The following GOLGA1 variants were observed in gnomAD, a reference collection of about 807,000 sequenced individuals.
The protein encoded by GOLGA1 is golgin A1.
GOLGA1 carries 63 observed loss-of-function variants against 119.7 expected under a neutral mutation model. The ratio of observed to expected loss-of-function variants is 0.53; its 90% CI spans 0.43 to 0.65. GOLGA1 has a LOEUF of 0.65. GOLGA1 is among the 30% of genes least tolerant of loss of function. GOLGA1 has a pLI of 0.00. For synonymous variants in GOLGA1, 318 were observed against 333.4 expected (o/e 0.95, Z 0.50); for missense variants, 798 against 912.8 (o/e 0.87, Z 1.62).
intron 15 of GOLGA1, among the ~76,000 whole-genome samples, chr9:124,891,423 T>C (rs1185438396): frequency 6.6e-6 from 1 of 152,170 alleles, no homozygotes; most frequent in Non-Finnish European, 1.5e-5. Context: ...TCAAAATACA[T>C]GAAGCAAAGA....
chr9:124,919,165 AAGGATCACTTCAGCCTGG>A (rs1304171475), intron 10 of GOLGA1, among the ~76,000 whole-genome samples: 1 of 151,900 alleles, frequency 6.6e-6, no homozygotes, highest in Non-Finnish European at 1.5e-5. Flanking sequence ...GCTGAGGTGG[AAGGATCACTTCAGCCTGG>A]GAGGCTGAGG....
At chr9:124,914,652 C>T (rs1214441016) in intron 10 of GOLGA1, among the ~76,000 whole-genome samples, 1 of 152,210 alleles carries the variant, frequency 6.6e-6, no homozygotes, top group Non-Finnish European at 1.5e-5. Flanking sequence ...GCAAGCACTT[C>T]CTATTATGTC....
chr9:124,906,820 G>A (rs1830243181), intron 12 of GOLGA1, among the ~76,000 whole-genome samples: 2 of 151,840 alleles, frequency 1.3e-5, no homozygotes, highest in Non-Finnish European at 2.9e-5. Flanking sequence ...TAGCAACTTA[G>A]GCAAGAAAAT....
At chr9:124,913,246 G>A (rs562717033) in intron 10 of GOLGA1, among the ~76,000 whole-genome samples, 1 of 152,214 alleles carries the variant, frequency 6.6e-6, no homozygotes, top group African/African-American at 2.4e-5. Context: ...CTTGACATGT[G>A]GGCATTACAA....
chr9:124,935,306 G>C (rs1251020370), intron 3 of GOLGA1, among the ~76,000 whole-genome samples: 1 of 152,124 alleles, frequency 6.6e-6, no homozygotes, highest in Non-Finnish European at 1.5e-5. Flanking sequence ...CACATAGCCT[G>C]AACATAATTT....
rs1465801767 is a variant in GOLGA1, at chr9:124,888,354, T to C, written c.1804A>G (p.Thr602Ala). Residue 602 changes from threonine (T) to alanine (A), a missense_variant, in exon 19 of 23, where the codon ACT (threonine) becomes GCT (alanine). Coordinates refer to ENST00000373555, the MANE Select transcript of GOLGA1 (RefSeq NM_002077.4). This position sits in a 1 kb window ranked among gnomAD's most constrained non-coding sequence, Gnocchi z 4.4. The stretch of plus-strand genomic sequence containing the variant: ...TCACCATTTGGTGTTCTTCCTGCAG[T>C]TGGAAGCTGGAACACAGGGTCCTGC... ...AMQDPVFQLP[T>A]AGRTPNGEVG... The C allele has an allele frequency of 3.7e-6, 6 of 1,613,386 alleles. No individual in the cohort carries two copies. Among genetic ancestry groups the C allele is most frequent in the Non-Finnish European group, 5.1e-6 (6 of 1,179,430 alleles).
rs76066901 is a variant in GOLGA1 at position 124,882,405 on chromosome 9, G to T, written c.1965+105C>A. The T allele has an allele frequency of 6.0e-3, 4,702 of 785,316 alleles. 125 individuals are homozygous for T. The African/African-American group carries it at 0.065, about 11-fold the overall frequency. 48.6% of individuals were successfully genotyped at this position (785,316 alleles called of 1,614,324 possible). On this transcript the variant is annotated intron_variant, in intron 20 of 22. Coordinates refer to ENST00000373555, the MANE Select transcript of GOLGA1 (RefSeq NM_002077.4). Reference sequence around the variant, plus strand: ...CCAGCGATCCCTTGCAATTAATTAGGGGGTGGAGGGAGCATAGTCAGGCGG... The same window carrying T: ...CCAGCGATCCCTTGCAATTAATTAGTGGGTGGAGGGAGCATAGTCAGGCGG...
In GOLGA1 at chr9:124,918,927, A is replaced by G. The variant is rs1830507017; in HGVS notation, c.843+2202T>C. Reference sequence around the variant, plus strand: ...TTCCTTGACTCCTGGGCTGGAATGTACTTCCCCTATGGTATATCTTTTGTA... The same window carrying G: ...TTCCTTGACTCCTGGGCTGGAATGTGCTTCCCCTATGGTATATCTTTTGTA... On this transcript the variant is annotated intron_variant, in intron 10 of 22. Transcript: ENST00000373555. Among the ~76,000 whole-genome samples the G allele has an allele frequency of 3.3e-5, 5 of 152,032 alleles. No individual in the cohort carries two copies. The South Asian group carries it at 1.0e-3, about 32-fold the overall frequency.
rs866747293 is a variant in GOLGA1 at position 124,946,721 on chromosome 9, A to G, written c.-156+1197T>C. 6 of 152,192 alleles carry G rather than the reference A, an allele frequency of 3.9e-5. No homozygotes were observed. The highest frequency in any genetic ancestry group is 1.4e-4 in the African/African-American group (6 of 41,462). The allele number at this position is 152,192 out of a possible 1,614,324, so 9.4% of individuals were successfully genotyped here. On this transcript the variant is annotated intron_variant, in intron 1 of 4. Transcript: ENST00000421514. The surrounding 1 kb of genome is among the most constrained non-coding windows in gnomAD (Gnocchi z 4.0). ...ATCCTTGGGAGAGGTTTGAAGGCCC[A>G]GATTTTTATAGCACACCATGCATCT...
chr9:124,923,132 C>T lies in GOLGA1; in HGVS notation c.524G>A (p.Gly175Glu), dbSNP rs747487930. 2.5e-6 allele frequency: 4 copies of T among 1,608,748 alleles called. No individual in the cohort carries two copies. In the South Asian group the frequency reaches 4.4e-5, roughly 18 times the overall value. Residue 175 changes from glycine to glutamate, a missense_variant, in exon 8 of 23, where the codon GGG becomes GAG. By Grantham distance (98) the Gly-to-Glu change is moderately conservative. Transcript: ENST00000373555. ...TTTACTTAGTTCCTGCTGCTGGAAC[C>T]CCTCTAATTCATCCATTTCATCTCT... ...QRRDEMDELEGFQQQELSKIK... is the reference protein window; with the variant it reads ...QRRDEMDELEEFQQQELSKIK...
chr9:124,908,296 A>T, intron 12 of GOLGA1, 81 bp downstream of exon 12: 1 of 792,778 alleles, frequency 1.3e-6, no homozygotes, highest in Non-Finnish European at 2.3e-6. Context: ...ACTCTGACCA[A>T]GAAGATTCTC....
intron 7 of GOLGA1, among the ~76,000 whole-genome samples, chr9:124,924,598 C>G (rs1189255320): frequency 1.4e-5 from 2 of 139,228 alleles, no homozygotes; most frequent in Non-Finnish European, 3.0e-5. Context: ...TGCCACTGCA[C>G]TACACTCCAG....
At chr9:124,923,070 T>C in intron 8 of GOLGA1, 25 bp downstream of exon 8, 1 of 1,555,212 alleles carries the variant, frequency 6.4e-7, no homozygotes, top group East Asian at 2.2e-5. Context: ...ATTCAGTATT[T>C]AGCTACTAAA....
chr9:124,935,709 G>A (rs1439488424), intron 3 of GOLGA1, among the ~76,000 whole-genome samples: 2 of 150,272 alleles, frequency 1.3e-5, no homozygotes, highest in Non-Finnish European at 3.0e-5. Context: ...AGTGAGGCAG[G>A]AGAATTGCTT....
At chr9:124,936,671 G>C (rs1389480243) in intron 3 of GOLGA1, among the ~76,000 whole-genome samples, 1 of 151,740 alleles carries the variant, frequency 6.6e-6, no homozygotes, top group African/African-American at 2.4e-5. Flanking sequence ...AGCTGGTCTT[G>C]AACTTCTGGC....
chr9:124,907,922 T>C (rs1830265316), intron 12 of GOLGA1, among the ~76,000 whole-genome samples: 5 of 152,318 alleles, frequency 3.3e-5, no homozygotes, highest in African/African-American at 7.2e-5. Flanking sequence ...TTAGGTTTTA[T>C]GCATGATCTG....
In GOLGA1 at chr9:124,929,710, C is replaced by T. The variant is rs371646041; in HGVS notation, c.227-420G>A. Reference sequence around the variant, plus strand: ...GCTTATAGTCCACACAACTCAGGAACAGTAGTTAGGGCAATAACAAACACC... The same window carrying T: ...GCTTATAGTCCACACAACTCAGGAATAGTAGTTAGGGCAATAACAAACACC... On this transcript the variant is annotated intron_variant, in intron 4 of 22. Coordinates refer to ENST00000373555, the MANE Select transcript of GOLGA1 (RefSeq NM_002077.4). Among the ~76,000 whole-genome samples, 87 of 152,296 alleles carry T rather than the reference C, an allele frequency of 5.7e-4. No homozygotes were observed. In the South Asian group the frequency reaches 0.018, roughly 32 times the overall value.
Position 124,885,111 on chromosome 9 carries a change from G to A in GOLGA1, c.1906-2542C>T, listed in dbSNP as rs573286335. Among the ~76,000 whole-genome samples the A allele has an allele frequency of 4.6e-5, 7 of 152,180 alleles. No homozygotes were observed. The East Asian group carries it at 9.7e-4, about 21-fold the overall frequency. On this transcript the variant is annotated intron_variant, in intron 19 of 22. Coordinates refer to ENST00000373555, the MANE Select transcript of GOLGA1 (RefSeq NM_002077.4). ...TGGGAGGCCGAGGCGGGCAGATCAC[G>A]AGGTCAAGAGATCGAGACCATCCTG...
At chr9:124,926,401 G>A (rs983666528) in intron 7 of GOLGA1, among the ~76,000 whole-genome samples, 2 of 152,176 alleles carry the variant, frequency 1.3e-5, no homozygotes, top group African/African-American at 4.8e-5. Flanking sequence ...GTTCCCCACT[G>A]GCTGAACCCA....
Sources: gnomAD v4.1 joint callset for allele counts (sites outside exome capture counted in the v4.1 genomes callset) on GRCh38, gnomAD v4.1.1 for gene constraint, Gnocchi (gnomAD v3.1) non-coding constraint, MANE v1.5 for transcripts, NCBI Gene and HGNC (gene_info 2026-07-23, HGNC 2026-07-21) for gene names.